CNTNAP3: variants seen among roughly 807,000 people sequenced by gnomAD.
CNTNAP3 encodes contactin-associated protein-like 3.
In CNTNAP3, 36 loss-of-function variants were observed where a neutral mutation model predicts 92.1. That is an observed-to-expected ratio of 0.39 (90% CI 0.30 to 0.52). The LOEUF (loss-of-function observed/expected upper bound fraction) is 0.52, where lower values mean the gene tolerates loss of function less well. Ranked by LOEUF, CNTNAP3 falls within the 20% of genes least tolerant of loss-of-function variation. The pLI is 0.76. For missense variants in CNTNAP3, 534 were observed against 1,069.6 expected (o/e 0.50, Z 6.98); for synonymous variants, 232 against 422.3 (o/e 0.55, Z 5.53).
chr9:39,141,053 T>G (rs1266982364), intron 11 of CNTNAP3, among the ~76,000 whole-genome samples: 3 of 152,186 alleles, frequency 2.0e-5, no homozygotes, highest in Non-Finnish European at 4.4e-5. Context: ...AAATGTTTTC[T>G]TTTGCTTTTA....
chr9:39,131,749 C>T (rs1031361009), intron 13 of CNTNAP3, among the ~76,000 whole-genome samples: 1 of 152,060 alleles, frequency 6.6e-6, no homozygotes, highest in Admixed American at 6.6e-5. Flanking sequence ...TCGCTTGAAT[C>T]CGGGAGGGGA....
At chr9:39,179,286 T>TAC (rs4057871) in intron 4 of CNTNAP3, among the ~76,000 whole-genome samples, 12,167 of 80,690 alleles carry the variant, frequency 0.15, 1,110 homozygotes, top group Middle Eastern at 0.18. Flanking sequence ...TCTCTCTCTC[T>TAC]ACACACACAC....
At chr9:39,149,621 G>A (rs1301803056) in intron 10 of CNTNAP3, among the ~76,000 whole-genome samples, 185 bp downstream of exon 10, 1 of 152,012 alleles carries the variant, frequency 6.6e-6, no homozygotes, top group African/African-American at 2.4e-5. Flanking sequence ...CGCATTACAG[G>A]TGTGAGCCAC....
intron 15 of CNTNAP3, among the ~76,000 whole-genome samples, chr9:39,108,072 GA>G (rs1192604794): frequency 6.6e-6 from 1 of 152,072 alleles, no homozygotes; most frequent in African/African-American, 2.4e-5. Flanking sequence ...CAGAGTTAAA[GA>G]ACTTTACTGC....
chr9:39,134,599 A>G (rs1426366543), intron 12 of CNTNAP3, among the ~76,000 whole-genome samples: 1 of 151,808 alleles, frequency 6.6e-6, no homozygotes, highest in African/African-American at 2.4e-5. Context: ...TAATTTTTGT[A>G]TTTTTTTAGT....
At chr9:39,106,074 C>G (rs1478731244) in intron 15 of CNTNAP3, among the ~76,000 whole-genome samples, 2 of 152,122 alleles carry the variant, frequency 1.3e-5, no homozygotes, top group African/African-American at 4.8e-5. Context: ...TGCTCATTCC[C>G]CAGTGTGGAA....
chr9:39,099,430 C>T (rs903701294), intron 18 of CNTNAP3, among the ~76,000 whole-genome samples: 1 of 152,098 alleles, frequency 6.6e-6, no homozygotes, highest in African/African-American at 2.4e-5. Context: ...TAAGAAAAGA[C>T]ATTTCTATAA....
chr9:39,104,728 T>C (rs1826558314), intron 15 of CNTNAP3, among the ~76,000 whole-genome samples: 1 of 152,108 alleles, frequency 6.6e-6, no homozygotes, highest in Non-Finnish European at 1.5e-5. Context: ...TTGCAGAATG[T>C]TCCTCAACTT....
At chr9:39,113,189 C>T (rs1205848614) in intron 14 of CNTNAP3, among the ~76,000 whole-genome samples, 5 of 151,926 alleles carry the variant, frequency 3.3e-5, no homozygotes, top group Admixed American at 6.6e-5. Flanking sequence ...TCAGACAATG[C>T]CAAATGTCCC....
chr9:39,093,099 T>A (rs1826245838), intron 18 of CNTNAP3, among the ~76,000 whole-genome samples: 1 of 135,460 alleles, frequency 7.4e-6, no homozygotes, highest in Non-Finnish European at 1.6e-5. Flanking sequence ...ATTACCCCTT[T>A]CAATCTAAAT....
At chr9:39,099,858 GTTAT>G in intron 18 of CNTNAP3, 49 bp downstream of exon 18, 4 of 1,586,278 alleles carry the variant, frequency 2.5e-6, no homozygotes, top group Non-Finnish European at 3.4e-6. Flanking sequence ...CATTCTTCAT[GTTAT>G]TTAAGTTTCA....
chr9:39,084,973 C>T (rs1197549739), intron 21 of CNTNAP3: 1 of 141,910 alleles, frequency 7.0e-6, no homozygotes, highest in Admixed American at 6.8e-5. Context: ...CCTTCAATTC[C>T]ATGTCTCCTT....
chr9:39,132,887 G>A (rs1821328155), intron 13 of CNTNAP3, 45 bp downstream of exon 13: 3 of 1,503,970 alleles, frequency 2.0e-6, no homozygotes, highest in Non-Finnish European at 2.6e-6. Flanking sequence ...CGAGGGCCGC[G>A]CCCCGGCCCC....
intron 11 of CNTNAP3, among the ~76,000 whole-genome samples, chr9:39,143,257 T>C (rs1045007919): frequency 6.6e-6 from 1 of 151,436 alleles, no homozygotes; most frequent in Admixed American, 6.6e-5. Flanking sequence ...CCTTAGACAT[T>C]GTTCTTACAC....
intron 15 of CNTNAP3, 121 bp from the exon 16 acceptor site, chr9:39,104,035 A>C: frequency 6.8e-7 from 1 of 1,467,816 alleles, no homozygotes; most frequent in Non-Finnish European, 9.1e-7. Context: ...ATGAGCTTTC[A>C]CTGGGGGTTC....
intron 12 of CNTNAP3, among the ~76,000 whole-genome samples, chr9:39,134,254 A>G (rs1255873559): frequency 6.6e-6 from 1 of 152,190 alleles, no homozygotes; most frequent in Admixed American, 6.5e-5. Context: ...CAAATGAGCC[A>G]CAAGTACAGA....
chr9:39,113,120 TCTAATTAATAGACA>T (rs1820751588), intron 14 of CNTNAP3, among the ~76,000 whole-genome samples: 1 of 152,076 alleles, frequency 6.6e-6, no homozygotes, highest in Non-Finnish European at 1.5e-5. Flanking sequence ...CACCCTGATT[TCTAATTAATAGACA>T]CTAATATAAA....
chr9:39,165,430 AT>A (rs1374097292), intron 9 of CNTNAP3, among the ~76,000 whole-genome samples: 1 of 75,024 alleles, frequency 1.3e-5, no homozygotes, highest in Non-Finnish European at 2.4e-5. Flanking sequence ...CATGTAAAAA[AT>A]ATTTATCCAT....
Position 39,064,737 on chromosome 9 carries a change from T to C in CNTNAP3, c.*9153A>G, listed in dbSNP as rs1368695696. ...CTGTTTTTAACATTTATTACATACA[T>C]AGAACATATAAGAATTTATAGAGCA... On this transcript the variant is annotated 3_prime_UTR_variant, in exon 24 of 24. Transcript: ENST00000297668. Among the ~76,000 whole-genome samples the C allele has an allele frequency of 1.0e-3, 154 of 149,196 alleles. No individual in the cohort carries two copies. Among genetic ancestry groups the C allele is most frequent in the African/African-American group, 3.7e-3 (144 of 38,534 alleles).
Sources: allele counts gnomAD v4.1 joint callset (sites outside exome capture counted in the v4.1 genomes callset), GRCh38; gene constraint gnomAD v4.1.1; transcripts MANE v1.5; gene names NCBI Gene and HGNC (gene_info 2026-07-23, HGNC 2026-07-21).